The following AFF1 variants were observed in gnomAD, a reference collection of about 807,000 sequenced individuals.
AFF1 encodes ALF transcription elongation factor 1.
In AFF1, 48 loss-of-function variants were observed where a neutral mutation model predicts 121.7. The ratio of observed to expected loss-of-function variants is 0.39; its 90% CI spans 0.31 to 0.50. AFF1 has a LOEUF of 0.50. AFF1 is among the 20% of genes least tolerant of loss of function. The pLI is 0.76. For synonymous variants in AFF1, 613 were observed against 563.0 expected, an observed-to-expected ratio of 1.09 and a Z score of -1.26; for missense variants, 1,523 against 1,511.7, an observed-to-expected ratio of 1.01 and a Z score of -0.12.
intron 2 of AFF1, among the ~76,000 whole-genome samples, chr4:86,970,347 T>C (rs868749084): frequency 2.6e-5 from 4 of 152,262 alleles, no homozygotes; most frequent in Middle Eastern, 3.4e-3. Flanking sequence ...ACAACAAAGA[T>C]ACTAAAGTGG....
chr4:87,112,355 A>T (rs1044353301), intron 11 of AFF1, among the ~76,000 whole-genome samples: 1 of 152,216 alleles, frequency 6.6e-6, no homozygotes, highest in South Asian at 2.1e-4. Context: ...AATTCAGATG[A>T]CAGCATGAGT....
intron 4 of AFF1, among the ~76,000 whole-genome samples, chr4:87,082,715 C>G (rs936652692): frequency 3.3e-5 from 5 of 152,116 alleles, no homozygotes; most frequent in Non-Finnish European, 7.4e-5. Flanking sequence ...AGGTGTGAGC[C>G]AGCACACCTG....
intron 12 of AFF1, among the ~76,000 whole-genome samples, chr4:87,123,352 T>C (rs1166760528): frequency 6.6e-6 from 1 of 152,206 alleles, no homozygotes; most frequent in African/African-American, 2.4e-5. Context: ...ACCATTCAAG[T>C]TCAGGTGCTC....
chr4:87,053,617 G>C (rs919732971), intron 4 of AFF1, among the ~76,000 whole-genome samples: 1 of 152,188 alleles, frequency 6.6e-6, no homozygotes, highest in Non-Finnish European at 1.5e-5. Context: ...CATTTAAGCA[G>C]CTTACTCTCA....
chr4:87,031,559 C>G (rs1178767193), intron 2 of AFF1, among the ~76,000 whole-genome samples: 1 of 151,924 alleles, frequency 6.6e-6, no homozygotes, highest in African/African-American at 2.4e-5. Context: ...TACTGGAAAT[C>G]AGGGGCTTTT....
chr4:86,993,447 T>A (rs960471020), intron 2 of AFF1, among the ~76,000 whole-genome samples: 8 of 152,106 alleles, frequency 5.3e-5, no homozygotes, highest in Admixed American at 2.0e-4. Flanking sequence ...TTTCCTGATA[T>A]GTGTTCAGGA....
chr4:87,046,077 C>T, intron 2 of AFF1, 89 bp from the exon 3 acceptor site: 3 of 1,505,388 alleles, frequency 2.0e-6, no homozygotes, highest in Non-Finnish European at 2.7e-6. Context: ...GACCTGTCCT[C>T]ACCTCCCTTC....
chr4:87,080,619 G>C (rs920473798), intron 4 of AFF1, among the ~76,000 whole-genome samples: 4 of 152,204 alleles, frequency 2.6e-5, no homozygotes, highest in African/African-American at 9.6e-5. Context: ...AGGATGACTT[G>C]AGCCCAGGCC....
At chr4:86,979,633 C>G (rs1723574970) in intron 2 of AFF1, among the ~76,000 whole-genome samples, 2 of 152,046 alleles carry the variant, frequency 1.3e-5, no homozygotes, top group South Asian at 4.1e-4. Flanking sequence ...TTTAAATGCT[C>G]CTTTAATATG....
At chr4:86,939,949 TCAGA>T (rs1398543221) in intron 1 of AFF1, among the ~76,000 whole-genome samples, 1 of 152,138 alleles carries the variant, frequency 6.6e-6, no homozygotes, top group Non-Finnish European at 1.5e-5. Context: ...GGTTTCTGAG[TCAGA>T]CAGCTTGGGT....
intron 2 of AFF1, among the ~76,000 whole-genome samples, chr4:87,031,205 A>G (rs1037599811): frequency 2.0e-5 from 3 of 152,168 alleles, no homozygotes; most frequent in Non-Finnish European, 2.9e-5. Context: ...TGAGTGGAGT[A>G]AGACGGATGC....
intron 8 of AFF1, among the ~76,000 whole-genome samples, chr4:87,099,704 C>T (rs576606923): frequency 3.3e-5 from 5 of 152,178 alleles, no homozygotes; most frequent in South Asian, 4.1e-4. Flanking sequence ...CCACTGTGCC[C>T]GGCCCCCACA....
chr4:87,084,605 A>T (rs113262123), intron 5 of AFF1, among the ~76,000 whole-genome samples: 82 of 118,546 alleles, frequency 6.9e-4, no homozygotes, highest in South Asian at 1.7e-3. Flanking sequence ...AATAAATAAA[A>T]AATAAAGAAC....
chr4:87,038,356 C>T (rs372068890), intron 2 of AFF1, among the ~76,000 whole-genome samples: 1 of 152,204 alleles, frequency 6.6e-6, no homozygotes, highest in East Asian at 1.9e-4. Flanking sequence ...ATCCTGCCTT[C>T]AGACATGGAG....
intron 12 of AFF1, among the ~76,000 whole-genome samples, chr4:87,120,758 C>T (rs2149782313): frequency 6.6e-6 from 1 of 152,340 alleles, no homozygotes; most frequent in African/African-American, 2.4e-5. Context: ...TGCAGATGCT[C>T]CCATCTTCCT....
chr4:87,128,665 C>A (rs1490853606), intron 16 of AFF1, among the ~76,000 whole-genome samples: 1 of 152,196 alleles, frequency 6.6e-6, no homozygotes, highest in Non-Finnish European at 1.5e-5. Context: ...TGCTCTTCAA[C>A]CCTAATCTGC....
At chr4:87,127,979 A>G (rs1728464388) in intron 16 of AFF1, among the ~76,000 whole-genome samples, 1 of 152,192 alleles carries the variant, frequency 6.6e-6, no homozygotes, top group South Asian at 2.1e-4. Flanking sequence ...GGGCAGATAT[A>G]CAAAGGACCT....
At chr4:86,959,216 ACT>A (rs1414131324) in intron 2 of AFF1, among the ~76,000 whole-genome samples, 3 of 151,972 alleles carry the variant, frequency 2.0e-5, no homozygotes, top group African/African-American at 7.3e-5. Flanking sequence ...AGTCAAGATA[ACT>A]CTTTTTGCTT....
chr4:87,108,453 G>A (rs1465942580), intron 11 of AFF1, 138 bp downstream of exon 11: 3 of 861,016 alleles, frequency 3.5e-6, no homozygotes, highest in Non-Finnish European at 5.1e-6. Flanking sequence ...CTGCTCCTAT[G>A]CTGTCTAGAG....
Sources: gnomAD v4.1 joint callset for allele counts (sites outside exome capture counted in the v4.1 genomes callset) on GRCh38, gnomAD v4.1.1 for gene constraint, MANE v1.5 for transcripts, NCBI Gene and HGNC (gene_info 2026-07-23, HGNC 2026-07-21) for gene names.